RNF139: variants seen among roughly 807,000 people sequenced by gnomAD.
The protein encoded by RNF139 is E3 ubiquitin-protein ligase RNF139.
RNF139 carries 15 observed loss-of-function variants against 49.5 expected under a neutral mutation model. That is an observed-to-expected ratio of 0.30 (90% CI 0.20 to 0.47). The LOEUF (loss-of-function observed/expected upper bound fraction) is 0.47. Ranked by LOEUF, RNF139 falls within the 20% of genes least tolerant of loss-of-function variation. The pLI is 1.00. For missense variants in RNF139, 619 were observed against 806.3 expected (o/e 0.77, Z 2.81); for synonymous variants, 325 against 300.9 (o/e 1.08, Z -0.83).
rs369379159 is a variant in RNF139, at chr8:124,475,225, A to G, written c.116A>G (p.Asn39Ser). The change falls in exon 1 of 2, where the codon AAC becomes AGC. Residue 39 changes from asparagine to serine, a missense_variant. Asn to Ser is a conservative substitution (Grantham distance 46). Transcript: ENST00000303545. ...CTTTACATCATCGACGCCATCTTCA[A>G]CTCCTACCCGGATTCCAGCCAAAGC... ...PCLYIIDAIF[N>S]SYPDSSQSRF... The G allele has an allele frequency of 2.1e-5, 34 of 1,613,338 alleles. No homozygotes were observed. Among genetic ancestry groups the G allele is most frequent in the South Asian group, 4.4e-5 (4 of 91,050 alleles).
At chr8:124,480,449 G>T (rs1369274526) in intron 1 of RNF139, among the ~76,000 whole-genome samples, 2 of 151,178 alleles carry the variant, frequency 1.3e-5, no homozygotes, top group Non-Finnish European at 2.9e-5. Flanking sequence ...TTGGGTAAGG[G>T]GGAACTACTG....
Position 124,485,969 on chromosome 8 carries a change from G to A in RNF139, c.320G>A (p.Gly107Asp), listed in dbSNP as rs1816521125. 1 of 1,614,040 alleles carries A rather than the reference G, an allele frequency of 6.2e-7. No homozygotes were observed. Among genetic ancestry groups the A allele is most frequent in the South Asian group, 1.1e-5 (1 of 91,092 alleles). The change falls in exon 2 of 2, where the codon GGT becomes GAT. Residue 107 changes from glycine (G) to aspartate (D), a missense_variant. Physicochemically the swap from Gly to Asp is moderately conservative, Grantham distance 94 (BLOSUM62 -1). Coordinates refer to ENST00000303545, the MANE Select transcript of RNF139 (RefSeq NM_007218.4). ...YYASLHIDFY[G>D]AYNTSAFGIE... ...GCTTCTTTGCACATTGACTTCTATG[G>A]TGCCTACAACACGTCAGCTTTTGGA...
intron 1 of RNF139, among the ~76,000 whole-genome samples, chr8:124,477,349 G>C (rs1410616202): frequency 6.6e-6 from 1 of 152,176 alleles, no homozygotes; most frequent in Middle Eastern, 3.2e-3. Context: ...AAAAGACACA[G>C]GTTTGTGTGT....
chr8:124,482,881 ACG>A, intron 1 of RNF139, among the ~76,000 whole-genome samples: 2 of 144,420 alleles, frequency 1.4e-5, no homozygotes, highest in African/African-American at 5.2e-5. Context: ...AGCCAAGATC[ACG>A]CCATTGCACT....
chr8:124,482,830 G>A (rs1279925984), intron 1 of RNF139, among the ~76,000 whole-genome samples: 1 of 148,390 alleles, frequency 6.7e-6, no homozygotes, highest in African/African-American at 2.5e-5. Flanking sequence ...GGAGGCTGAA[G>A]CAGAAGAATC....
intron 1 of RNF139, among the ~76,000 whole-genome samples, chr8:124,482,947 T>C (rs1183001562): frequency 1.0e-5 from 1 of 98,368 alleles, no homozygotes; most frequent in Non-Finnish European, 2.0e-5. Flanking sequence ...AAAAAAAATA[T>C]ATATATATAT....
In RNF139 at chr8:124,486,549, A is replaced by G. The variant is rs1563632562; in HGVS notation, c.900A>G (p.Ser300=). 1.1e-5 allele frequency: 17 copies of G among 1,614,208 alleles called. 1 individual carries two copies. The highest frequency in any genetic ancestry group is 1.4e-5 in the Non-Finnish European group (17 of 1,180,042). Residue 300 remains serine, a synonymous_variant, in exon 2 of 2, where the codon TCA becomes TCG. Coordinates refer to ENST00000303545, the MANE Select transcript of RNF139 (RefSeq NM_007218.4). ...TGGGCATGAGTGCTGTAATTTCCTC[A>G]GTAGCCCATTATTTGGGGCTTGGAA... is the stretch of plus-strand genomic sequence containing the variant. The part of the protein sequence containing the change: ...TVLGMSAVIS[S]VAHYLGLGIL...
At chr8:124,485,767 C>T (rs1816517505) in intron 1 of RNF139, 64 bp from the exon 2 acceptor site, 1 of 1,327,706 alleles carries the variant, frequency 7.5e-7, no homozygotes, top group Admixed American at 2.2e-5. Context: ...AATATCATAA[C>T]TCTTAGTGGG....
intron 1 of RNF139, among the ~76,000 whole-genome samples, chr8:124,478,980 C>T (rs916260613): frequency 1.3e-5 from 2 of 152,160 alleles, no homozygotes; most frequent in African/African-American, 4.8e-5. Flanking sequence ...CCACATCGTC[C>T]TCCCAGAGTG....
rs1194399262 is a variant in RNF139 at position 124,486,209 on chromosome 8, C to T, written c.560C>T (p.Thr187Ile). 2 of 1,614,036 alleles carry T rather than the reference C, an allele frequency of 1.2e-6. No individual in the cohort carries two copies. Among genetic ancestry groups the T allele is most frequent in the Non-Finnish European group, 1.7e-6 (2 of 1,180,016 alleles). Residue 187 changes from threonine (T) to isoleucine (I), a missense_variant, in exon 2 of 2, where the codon ACA (threonine) becomes ATA (isoleucine). By Grantham distance (89) the Thr-to-Ile change is moderately conservative. Transcript: ENST00000303545. ...CTGTTTACTTCTTCCTTGATTCTCA[C>T]ATTAAATACAGTGTTTGTCCTGGCA... Reference protein sequence around the residue: ...TLLFTSSLILTLNTVFVLAVK... With the variant: ...TLLFTSSLILILNTVFVLAVK...
chr8:124,478,344 C>T (rs953916411), intron 1 of RNF139, among the ~76,000 whole-genome samples: 3 of 151,968 alleles, frequency 2.0e-5, no homozygotes, highest in Non-Finnish European at 2.9e-5. Flanking sequence ...AGACCGCTTA[C>T]GGTGGCTCAC....
At chr8:124,476,893 A>G (rs1384517675) in intron 1 of RNF139, among the ~76,000 whole-genome samples, 1 of 152,234 alleles carries the variant, frequency 6.6e-6, no homozygotes, top group Non-Finnish European at 1.5e-5. Flanking sequence ...GTGTAAGAAC[A>G]TTGAACAAAG....
intron 1 of RNF139, among the ~76,000 whole-genome samples, chr8:124,481,269 ATATT>A (rs1239351127): frequency 6.6e-6 from 1 of 152,108 alleles, no homozygotes; most frequent in East Asian, 1.9e-4. Context: ...GTGCTTTTCC[ATATT>A]TATTCTGTCA....
chr8:124,480,319 A>AAT (rs1816386913), intron 1 of RNF139, among the ~76,000 whole-genome samples: 1 of 151,252 alleles, frequency 6.6e-6, no homozygotes, highest in Non-Finnish European at 1.5e-5. Context: ...TGATAAACCG[A>AAT]ATGATATTGA....
chr8:124,475,381 G>C, intron 1 of RNF139, 91 bp downstream of exon 1: 1 of 1,304,884 alleles, frequency 7.7e-7, no homozygotes, highest in Non-Finnish European at 1.1e-6. Flanking sequence ...GCCATGGGTC[G>C]AGTATGTGTC....
chr8:124,486,599 A>T lies in RNF139; in HGVS notation c.950A>T (p.Glu317Val). ...ATATTGGCCTTTATTGGATCAACTG[A>T]GGAAGATGACAGGCGTCTTGGCTTT... Reference protein sequence around the residue: ...LGILAFIGSTEEDDRRLGFVA... With the variant: ...LGILAFIGSTVEDDRRLGFVA... Residue 317 changes from glutamate (E) to valine (V), a missense_variant, in exon 2 of 2, where the codon GAG (glutamate) becomes GTG (valine). This residue lies in a region of RNF139 where 530 missense variants were observed against 728.9 expected (regional missense o/e 0.73). Coordinates refer to ENST00000303545, the MANE Select transcript of RNF139 (RefSeq NM_007218.4). 1.9e-6 allele frequency: 3 copies of T among 1,614,110 alleles called. No homozygotes were observed. Among genetic ancestry groups the T allele is most frequent in the Non-Finnish European group, 2.5e-6 (3 of 1,180,010 alleles).
In RNF139 at chr8:124,475,102, A is replaced by AGCG. The variant is rs1234683347; in HGVS notation, c.-5_-3dup. On this transcript the variant is annotated 5_prime_UTR_variant, in exon 1 of 2. Coordinates refer to ENST00000303545, the MANE Select transcript of RNF139 (RefSeq NM_007218.4). ...CCGGCCCACCGAGCCCTGGTGTGGC[A>AGCG]GCGGCTCATGGCGGCCGTGGGGCCC... The AGCG allele has an allele frequency of 6.4e-7, 1 of 1,571,222 alleles. No individual in the cohort carries two copies. The highest frequency in any genetic ancestry group is 1.4e-5 in the African/African-American group (1 of 72,734).
At chr8:124,484,616 T>A (rs914085853) in intron 1 of RNF139, among the ~76,000 whole-genome samples, 1 of 152,132 alleles carries the variant, frequency 6.6e-6, no homozygotes, top group Non-Finnish European at 1.5e-5. Flanking sequence ...AGATTTGCAG[T>A]TGTAGGAGTG....
rs1816577459 is a variant in RNF139 at position 124,488,137 on chromosome 8, C to T, written c.*493C>T. Among the ~76,000 whole-genome samples the T allele has an allele frequency of 3.3e-5, 5 of 152,082 alleles. No individual in the cohort carries two copies. Among genetic ancestry groups the T allele is most frequent in the Admixed American group, 2.6e-4 (4 of 15,268 alleles). ...TAAAACTAAAGAAAAAATTAGCTGC[C>T]AGAAGCAACTGAGGACCTTTTTTGA... On this transcript the variant is annotated 3_prime_UTR_variant, in exon 2 of 2. Coordinates refer to ENST00000303545, the MANE Select transcript of RNF139 (RefSeq NM_007218.4).
Sources: gnomAD v4.1 joint callset for allele counts (sites outside exome capture counted in the v4.1 genomes callset) on GRCh38, gnomAD v4.1.1 for gene constraint, gnomAD v4.1.1 regional missense constraint, MANE v1.5 for transcripts, NCBI Gene and HGNC (gene_info 2026-07-23, HGNC 2026-07-21) for gene names.